Variants in FLYWCH1 observed in about 807,000 individuals in gnomAD.
FLYWCH1 encodes FLYWCH-type zinc finger 1.
FLYWCH1 carries 75 observed loss-of-function variants against 66.4 expected under a neutral mutation model. The observed-to-expected ratio is 1.13, with a 90% CI of 0.94 to 1.37. The LOEUF (loss-of-function observed/expected upper bound fraction) is 1.37, where lower values mean the gene tolerates loss of function less well. FLYWCH1 is among the 40% of genes most tolerant of loss of function. The pLI is 0.00. For synonymous variants in FLYWCH1, 595 were observed against 429.9 expected, an observed-to-expected ratio of 1.38 and a Z score of -4.75; for missense variants, 1,334 against 1,001.8, an observed-to-expected ratio of 1.33 and a Z score of -4.48.
At chr16:2,933,642 A>G in intron 5 of FLYWCH1, 60 bp downstream of exon 5, 1 of 1,561,362 alleles carries the variant, frequency 6.4e-7, no homozygotes, top group Non-Finnish European at 8.7e-7. Flanking sequence ...CCAGAGGTCC[A>G]GGGAGGGAAG....
chr16:2,914,322 G>A lies in FLYWCH1; in HGVS notation c.-74+33G>A, dbSNP rs77002952. On this transcript the variant is annotated intron_variant, in intron 2 of 9. Coordinates refer to ENST00000253928, the MANE Select transcript of FLYWCH1 (RefSeq NM_001308068.2). ...TGTGGCTCCATCAGCTGCCGACAGA[G>A]CCGCCTGGTTTTCGAGCCTTACTGA... 1.1e-3 allele frequency: 171 copies of A among 152,356 alleles called. 5 individuals carry two copies. In the East Asian group the frequency reaches 0.032, roughly 28 times the overall value. The allele number at this position is 152,356 out of a possible 1,614,324, so 9.4% of individuals were successfully genotyped here. A position where few individuals can be genotyped will look rare whatever the true frequency, so the allele number is the denominator to read the frequency against.
chr16:2,950,791 C>T lies in FLYWCH1; in HGVS notation c.*2064C>T, dbSNP rs914458402. On this transcript the variant is annotated 3_prime_UTR_variant, in exon 10 of 10. Coordinates refer to ENST00000253928, the MANE Select transcript of FLYWCH1 (RefSeq NM_001308068.2). The stretch of plus-strand genomic sequence containing the variant: ...TGACCTTAGAAGACAGACGGCAGCT[C>T]GCGTTGCTGGGCTGAGATTCTCCAA... 5.3e-5 allele frequency: 8 copies of T among 152,288 alleles called. No individual in the cohort carries two copies. The highest frequency in any genetic ancestry group is 8.8e-5 in the Non-Finnish European group (6 of 68,054). The allele number at this position is 152,288 out of a possible 1,614,324, so 9.4% of individuals were successfully genotyped here. A position where few individuals can be genotyped will look rare whatever the true frequency, so the allele number is the denominator to read the frequency against.
intron 6 of FLYWCH1, chr16:2,935,646 C>G (rs1469521919): frequency 2.6e-5 from 4 of 152,148 alleles, no homozygotes; most frequent in Admixed American, 2.6e-4. Context: ...GCAGCCTGGC[C>G]TCCGTGGTGT....
chr16:2,913,607 C>T (rs552254289), intron 1 of FLYWCH1, among the ~76,000 whole-genome samples: 75 of 152,246 alleles, frequency 4.9e-4, no homozygotes, highest in Middle Eastern at 6.8e-3. Context: ...ACAGGACAGC[C>T]TCCCACAGCA....
rs1345122162 is a variant in FLYWCH1 at position 2,930,723 on chromosome 16, G to A, written c.639G>A (p.Glu213=). 1.9e-6 allele frequency: 3 copies of A among 1,548,746 alleles called. No homozygotes were observed. The African/African-American group carries it at 4.1e-5, about 21-fold the overall frequency. The part of the protein sequence containing the change: ...QGPEGPGGRV[E]EPLEGVGPWQ... ...CTGAGGGCCCTGGAGGCCGAGTGGA[G>A]GAGCCCCTGGAGGGGGTGGGCCCGT... Residue 213 remains glutamate, a synonymous_variant, in exon 4 of 10, where the codon GAG becomes GAA. Transcript: ENST00000253928.
intron 2 of FLYWCH1, among the ~76,000 whole-genome samples, chr16:2,925,027 C>G (rs1056094058): frequency 6.6e-6 from 1 of 152,212 alleles, no homozygotes; most frequent in African/African-American, 2.4e-5. Flanking sequence ...TTCACTCTGA[C>G]GGCCTGGGAC....
At chr16:2,917,506 G>T (rs1316394933) in intron 2 of FLYWCH1, among the ~76,000 whole-genome samples, 1 of 151,992 alleles carries the variant, frequency 6.6e-6, no homozygotes, top group Non-Finnish European at 1.5e-5. Flanking sequence ...TGGGATTACA[G>T]GTGTGAGCCA....
At chr16:2,944,684 A>T (rs2071406438) in intron 9 of FLYWCH1, among the ~76,000 whole-genome samples, 2 of 151,222 alleles carry the variant, frequency 1.3e-5, no homozygotes, top group Non-Finnish European at 1.5e-5. Flanking sequence ...TTAGCTAGGC[A>T]TGGTGGCGCC....
At chr16:2,932,937 C>T (rs1208859577) in intron 4 of FLYWCH1, among the ~76,000 whole-genome samples, 193 bp from the exon 5 acceptor site, 1 of 151,826 alleles carries the variant, frequency 6.6e-6, no homozygotes, top group Admixed American at 6.6e-5. Context: ...ATGAGACTCT[C>T]CTCCGGGTCG....
chr16:2,936,535 C>CAG (rs1370824559), intron 6 of FLYWCH1: 6 of 454,316 alleles, frequency 1.3e-5, no homozygotes, highest in African/African-American at 1.2e-4. Flanking sequence ...CACGATGCCC[C>CAG]AGGCCACCTC....
In FLYWCH1 at chr16:2,916,353, A is replaced by G. The variant is rs1399909366; in HGVS notation, c.-74+2064A>G. 2.0e-5 allele frequency among the ~76,000 whole-genome samples: 3 copies of G among 151,088 alleles called. No homozygotes were observed. In the East Asian group the frequency reaches 5.8e-4, roughly 29 times the overall value. Reference sequence around the variant, plus strand: ...GGACTCCATCTCAAAACAAAAATACAGGCCGGGTGTGGTGGCTCACGCCTG... The same window carrying G: ...GGACTCCATCTCAAAACAAAAATACGGGCCGGGTGTGGTGGCTCACGCCTG... On this transcript the variant is annotated intron_variant, in intron 2 of 9. Coordinates refer to ENST00000253928, the MANE Select transcript of FLYWCH1 (RefSeq NM_001308068.2).
chr16:2,938,607 G>GTTTTTTTTTTTTT (rs35169451), intron 8 of FLYWCH1, among the ~76,000 whole-genome samples, 151 bp downstream of exon 8: 1 of 129,174 alleles, frequency 7.7e-6, no homozygotes, highest in Non-Finnish European at 1.6e-5. Flanking sequence ...ACCAGTCTTT[G>GTTTTTTTTTTTTT]TTTTTTTTTT....
chr16:2,949,548 C>T lies in FLYWCH1; in HGVS notation c.*821C>T, dbSNP rs2071616128. 2 of 152,230 alleles carry T rather than the reference C, an allele frequency of 1.3e-5. No homozygotes were observed. Among genetic ancestry groups the T allele is most frequent in the Admixed American group, 6.5e-5 (1 of 15,278 alleles). 9.4% of individuals were successfully genotyped at this position (152,230 alleles called of 1,614,324 possible). A position where few individuals can be genotyped will look rare whatever the true frequency, so the allele number is the denominator to read the frequency against. ...TGTCAGACAGCTTCACAGAGTGTGG[C>T]TTCACCAGTCAGAGGGAGCAGTCCG... On this transcript the variant is annotated 3_prime_UTR_variant, in exon 10 of 10. Coordinates refer to ENST00000253928, the MANE Select transcript of FLYWCH1 (RefSeq NM_001308068.2).
chr16:2,945,623 A>G (rs1284816136), intron 9 of FLYWCH1, among the ~76,000 whole-genome samples: 1 of 139,174 alleles, frequency 7.2e-6, no homozygotes, highest in Non-Finnish European at 1.5e-5. Context: ...AGCCTGGAAG[A>G]CTACATCTCA....
chr16:2,923,195 G>C (rs1186365706), intron 2 of FLYWCH1: 1 of 348,418 alleles, frequency 2.9e-6, no homozygotes, highest in Non-Finnish European at 5.5e-6. Context: ...AGCTTTACAA[G>C]GGGCAGGAGC....
intron 2 of FLYWCH1, chr16:2,922,318 A>G (rs952605750): frequency 1.2e-5 from 2 of 160,124 alleles, no homozygotes; most frequent in African/African-American, 4.8e-5. Context: ...GCATCCTACA[A>G]CCCTTGGTCT....
In FLYWCH1 at chr16:2,932,035, G is replaced by A. The variant is rs1444499913; in HGVS notation, c.797-1095G>A. On this transcript the variant is annotated intron_variant, in intron 4 of 9. Coordinates refer to ENST00000253928, the MANE Select transcript of FLYWCH1 (RefSeq NM_001308068.2). ...CGGGAGGCTGAGGCAGGAGAATGGC[G>A]TGAACCCGGGAGGCGGAGCTTGCCG... 4.0e-5 allele frequency among the ~76,000 whole-genome samples: 6 copies of A among 150,194 alleles called. No individual in the cohort carries two copies. In the East Asian group the frequency reaches 5.9e-4, roughly 15 times the overall value.
At position 2,937,165 on chromosome 16, in the gene FLYWCH1, G is replaced by A. The variant is rs774892426; in HGVS notation, c.1558G>A (p.Val520Met). 1 of 1,609,542 alleles carries A rather than the reference G, an allele frequency of 6.2e-7. No homozygotes were observed. Among genetic ancestry groups the A allele is most frequent in the East Asian group, 2.2e-5 (1 of 44,806 alleles). ...LKTPLGGSFL[V>M]YESFLYRREK... ...GACGCCCCTGGGGGGCAGCTTCCTGGTGTACGAGTCCTTCCTCTACCGGCG... is the reference window on the plus strand; with the variant it reads ...GACGCCCCTGGGGGGCAGCTTCCTGATGTACGAGTCCTTCCTCTACCGGCG... The change falls in exon 7 of 10, where the codon GTG becomes ATG. Residue 520 changes from valine (V) to methionine (M), a missense_variant. Coordinates refer to ENST00000253928, the MANE Select transcript of FLYWCH1 (RefSeq NM_001308068.2).
chr16:2,933,176 C>CT lies in FLYWCH1; in HGVS notation c.845dup (p.Leu283ProfsTer89). On this transcript the variant is annotated frameshift_variant, in exon 5 of 10. Coordinates refer to ENST00000253928, the MANE Select transcript of FLYWCH1 (RefSeq NM_001308068.2). LOFTEE classifies it high-confidence loss of function. ...TCCTGAGGACGTGCTACGGGGGCAG[C>CT]TTCCTGGTACACGAGTCGTTCCTCT... 3 of 1,613,734 alleles carry CT rather than the reference C, an allele frequency of 1.9e-6. No individual in the cohort carries two copies. The highest frequency in any genetic ancestry group is 2.5e-6 in the Non-Finnish European group (3 of 1,179,840).
Sources: allele counts gnomAD v4.1 joint callset (sites outside exome capture counted in the v4.1 genomes callset), GRCh38; gene constraint gnomAD v4.1.1; transcripts MANE v1.5; gene names NCBI Gene and HGNC (gene_info 2026-07-23, HGNC 2026-07-21).